ZFAT: variants seen among roughly 807,000 people sequenced by gnomAD.
The protein encoded by ZFAT is zinc finger and AT-hook domain containing.
ZFAT carries 64 observed loss-of-function variants against 117.7 expected under a neutral mutation model. The ratio of observed to expected loss-of-function variants is 0.54; its 90% confidence interval spans 0.44 to 0.67. The LOEUF (loss-of-function observed/expected upper bound fraction) is 0.67, where lower values mean the gene tolerates loss of function less well. Among genes scored for constraint, ZFAT ranks in the 30% least tolerant of loss-of-function variants. The pLI is 0.00. For synonymous variants in ZFAT, 679 were observed against 615.0 expected (o/e 1.10, Z -1.54); for missense variants, 1,433 against 1,584.5 (o/e 0.90, Z 1.62).
the ZFAT span, among the ~76,000 whole-genome samples, chr8:134,819,700 G>A: frequency 6.6e-6 from 1 of 151,946 alleles, no homozygotes; most frequent in Non-Finnish European, 1.5e-5. Context: ...CTCTTCAACA[G>A]GGTTTACAAC....
chr8:134,663,258 T>G (rs1563741214), intron 1 of ZFAT, among the ~76,000 whole-genome samples: 1 of 152,206 alleles, frequency 6.6e-6, no homozygotes, highest in African/African-American at 2.4e-5. Context: ...ATACAGCCAC[T>G]GAAAATCATA....
At chr8:134,616,947 A>G (rs138718970) in intron 3 of ZFAT, among the ~76,000 whole-genome samples, 2 of 152,338 alleles carry the variant, frequency 1.3e-5, no homozygotes, top group African/African-American at 4.8e-5. Context: ...GGAAGAACAC[A>G]ATTACGGGGA....
chr8:134,649,133 G>A (rs1474465833), intron 2 of ZFAT, among the ~76,000 whole-genome samples: 1 of 150,606 alleles, frequency 6.6e-6, no homozygotes, highest in Non-Finnish European at 1.5e-5. Context: ...AATAAAAAGA[G>A]CTTCCTTAAC....
intron 13 of ZFAT, among the ~76,000 whole-genome samples, chr8:134,515,317 A>G (rs993913924): frequency 1.3e-5 from 2 of 152,196 alleles, no homozygotes; most frequent in African/African-American, 4.8e-5. Context: ...TCCTTTGGGT[A>G]TATGCCCAGT....
At chr8:134,738,324 C>A in the ZFAT span, among the ~76,000 whole-genome samples, 3 of 152,142 alleles carry the variant, frequency 2.0e-5, no homozygotes, top group Admixed American at 1.3e-4. Flanking sequence ...AACTCATGAG[C>A]TCTTGGACTT....
intron 2 of ZFAT, among the ~76,000 whole-genome samples, chr8:134,641,297 C>T (rs987445428): frequency 6.6e-6 from 1 of 152,132 alleles, no homozygotes; most frequent in Non-Finnish European, 1.5e-5. Context: ...TCCCCCTTAA[C>T]TGCTCAGGGC....
chr8:134,747,944 C>A, the ZFAT span, among the ~76,000 whole-genome samples: 1 of 152,196 alleles, frequency 6.6e-6, no homozygotes, highest in Non-Finnish European at 1.5e-5. Context: ...TAACAAGAAT[C>A]AAAGCTTATT....
At chr8:134,650,957 C>G (rs1273269846) in intron 2 of ZFAT, among the ~76,000 whole-genome samples, 1 of 152,176 alleles carries the variant, frequency 6.6e-6, no homozygotes, top group African/African-American at 2.4e-5. Flanking sequence ...ATCAAAAATG[C>G]AAACCAAAAC....
At chr8:134,632,486 C>A (rs1829953689) in intron 3 of ZFAT, among the ~76,000 whole-genome samples, 1 of 152,174 alleles carries the variant, frequency 6.6e-6, no homozygotes. Context: ...AACTATATAA[C>A]TGCCTTACTT....
the ZFAT span, among the ~76,000 whole-genome samples, chr8:134,823,983 C>T: frequency 1.3e-5 from 2 of 152,190 alleles, no homozygotes; most frequent in Non-Finnish European, 2.9e-5. Context: ...AGTAATTTTA[C>T]TACTTCTCAA....
rs1450438614 is a variant in ZFAT, at chr8:134,601,914, T to C, written c.1805A>G (p.Asp602Gly). 1.2e-6 allele frequency: 2 copies of C among 1,614,130 alleles called. No homozygotes were observed. The highest frequency in any genetic ancestry group is 1.7e-6 in the Non-Finnish European group (2 of 1,179,994). ...VVSDDFLLKNDTSSAEAHAAP... is the reference protein window; with the variant it reads ...VVSDDFLLKNGTSSAEAHAAP... ...AGCATGAGCCTCTGCGGAGGAGGTA[T>C]CATTTTTCAACAAAAAATCATCTGA... is the stretch of plus-strand genomic sequence containing the variant. The change falls in exon 6 of 16, where the codon GAT becomes GGT. Residue 602 changes from aspartate to glycine, a missense_variant. Physicochemically the swap from Asp to Gly is moderately conservative, Grantham distance 94. This residue lies in a region of ZFAT where 372 missense variants were observed against 355.6 expected (regional missense o/e 1.05). Transcript: ENST00000377838.
intron 12 of ZFAT, among the ~76,000 whole-genome samples, chr8:134,531,709 C>G (rs746140034): frequency 2.6e-5 from 4 of 152,242 alleles, no homozygotes; most frequent in Admixed American, 1.3e-4. Flanking sequence ...AACGAAGGCA[C>G]ATGCTCGCCG....
chr8:134,574,813 T>C (rs1461703762), intron 10 of ZFAT, among the ~76,000 whole-genome samples: 1 of 152,202 alleles, frequency 6.6e-6, no homozygotes, highest in East Asian at 1.9e-4. Flanking sequence ...TGCCTCCTTA[T>C]GACTGTTTAT....
intron 15 of ZFAT, among the ~76,000 whole-genome samples, chr8:134,480,851 C>T (rs1398636172): frequency 1.3e-5 from 2 of 152,188 alleles, no homozygotes; most frequent in African/African-American, 4.8e-5. Context: ...AGGGTCTCAT[C>T]CTGACCCTGT....
chr8:134,588,123 G>T, intron 9 of ZFAT, 123 bp downstream of exon 9: 1 of 1,173,734 alleles, frequency 8.5e-7, no homozygotes, highest in Non-Finnish European at 1.2e-6. Flanking sequence ...ACATCTCTCA[G>T]TGTGCTAAGG....
rs548332631 is a variant in ZFAT, at chr8:134,581,332, A to G, written c.2887+2500T>C. Among the ~76,000 whole-genome samples the G allele has an allele frequency of 2.2e-4, 33 of 152,320 alleles. No homozygotes were observed. The South Asian group carries it at 6.6e-3, about 31-fold the overall frequency. The stretch of plus-strand genomic sequence containing the variant: ...ATGAAGTACAGCAGCCCTGTGGGAA[A>G]GCAATCATCTGGAATTTAGAAATAA... On this transcript the variant is annotated intron_variant, in intron 10 of 15. Transcript: ENST00000377838.
chr8:134,777,840 A>C, the ZFAT span, among the ~76,000 whole-genome samples: 4 of 152,288 alleles, frequency 2.6e-5, no homozygotes, highest in South Asian at 8.3e-4. Flanking sequence ...ATATTATCTA[A>C]ATGATTTTGA....
Position 134,509,668 on chromosome 8 carries a change from A to G in ZFAT, c.3443T>C (p.Leu1148Pro), listed in dbSNP as rs1377365774. The G allele has an allele frequency of 6.2e-7, 1 of 1,613,212 alleles. No individual in the cohort carries two copies. Among genetic ancestry groups the G allele is most frequent in the Non-Finnish European group, 8.5e-7 (1 of 1,179,740 alleles). The change falls in exon 15 of 16, where the codon CTT (leucine) becomes CCT (proline). Residue 1148 changes from leucine to proline, a missense_variant. Around this residue, in one of 5 missense-constraint regions of ZFAT, gnomAD observed 503 missense variants for 543.4 expected, o/e 0.93. Transcript: ENST00000377838. ...TGGTGCCATGGCAACCACCGAGGCA[A>G]GGGCAGTGGCGTCATGGGTCTCGGC... ...LGAETHDATA[L>P]ASVVAMAPGT...
chr8:134,671,510 T>C (rs1832561504), intron 1 of ZFAT, among the ~76,000 whole-genome samples: 2 of 152,238 alleles, frequency 1.3e-5, no homozygotes, highest in South Asian at 4.1e-4. Context: ...AACCACATGA[T>C]TATCTCAATA....
Sources: gnomAD v4.1 joint callset for allele counts (sites outside exome capture counted in the v4.1 genomes callset) on GRCh38, gnomAD v4.1.1 for gene constraint, gnomAD v4.1.1 regional missense constraint, MANE v1.5 for transcripts, NCBI Gene and HGNC (gene_info 2026-07-23, HGNC 2026-07-21) for gene names.